EXOC6B: variants seen among roughly 807,000 people sequenced by gnomAD.
EXOC6B encodes exocyst complex component 6B.
In EXOC6B, 54 loss-of-function variants were observed where a neutral mutation model predicts 113.5. The observed-to-expected ratio is 0.48, with a 90% CI of 0.38 to 0.60. EXOC6B has a LOEUF of 0.60. Among genes scored for constraint, EXOC6B ranks in the 20% least tolerant of loss-of-function variants. The pLI is 0.00. For synonymous variants in EXOC6B, 357 were observed against 339.0 expected, an observed-to-expected ratio of 1.05 and a Z score of -0.58; for missense variants, 797 against 977.5, an observed-to-expected ratio of 0.82 and a Z score of 2.46.
intron 1 of EXOC6B, among the ~76,000 whole-genome samples, chr2:72,749,462 G>T (rs1199657036): frequency 2.0e-5 from 3 of 151,958 alleles, no homozygotes; most frequent in Non-Finnish European, 4.4e-5. Context: ...TAGCAGGGTG[G>T]TGCAAAAGTA....
At chr2:72,744,245 C>A (rs1681544738) in intron 1 of EXOC6B, among the ~76,000 whole-genome samples, 1 of 152,114 alleles carries the variant, frequency 6.6e-6, no homozygotes, top group Non-Finnish European at 1.5e-5. Flanking sequence ...TAGAACATAT[C>A]CTCTCTGCTA....
chr2:72,437,701 C>T (rs1206189619), intron 18 of EXOC6B, among the ~76,000 whole-genome samples: 1 of 152,128 alleles, frequency 6.6e-6, no homozygotes, highest in Non-Finnish European at 1.5e-5. Context: ...CTAGCTTTTT[C>T]AATAAATTTT....
At chr2:72,644,185 GA>G in intron 6 of EXOC6B, among the ~76,000 whole-genome samples, 1 of 152,176 alleles carries the variant, frequency 6.6e-6, no homozygotes. Flanking sequence ...TCAAGTGGAA[GA>G]AAGGGTATCA....
chr2:72,279,566 TA>T (rs555845447), intron 20 of EXOC6B, among the ~76,000 whole-genome samples: 94 of 152,308 alleles, frequency 6.2e-4, no homozygotes, highest in African/African-American at 2.1e-3. Context: ...ACCTTTCTCT[TA>T]TGGATCAACA....
chr2:72,404,339 T>C (rs1693571287), intron 18 of EXOC6B, among the ~76,000 whole-genome samples: 1 of 152,224 alleles, frequency 6.6e-6, no homozygotes, highest in East Asian at 1.9e-4. Context: ...AATGTCCCTG[T>C]CTGACCACTT....
At chr2:72,659,158 T>C (rs1674824067) in intron 6 of EXOC6B, among the ~76,000 whole-genome samples, 1 of 152,088 alleles carries the variant, frequency 6.6e-6, no homozygotes, top group Admixed American at 6.5e-5. Context: ...ATGAAAACAA[T>C]ACAGTCTTTT....
chr2:72,732,143 AT>A (rs1003996882), intron 3 of EXOC6B, among the ~76,000 whole-genome samples: 14 of 152,036 alleles, frequency 9.2e-5, no homozygotes, highest in African/African-American at 3.4e-4. Context: ...AGAATCAATG[AT>A]TTTTTTTATG....
intron 1 of EXOC6B, among the ~76,000 whole-genome samples, chr2:72,800,531 T>C (rs911812238): frequency 6.6e-6 from 1 of 152,182 alleles, no homozygotes; most frequent in African/African-American, 2.4e-5. Flanking sequence ...ATAATAACTA[T>C]TAATAACAGG....
chr2:72,230,349 T>C (rs1559039783), intron 20 of EXOC6B, among the ~76,000 whole-genome samples: 1 of 152,184 alleles, frequency 6.6e-6, no homozygotes, highest in Non-Finnish European at 1.5e-5. Context: ...AGGGAAGAAC[T>C]AGTAGAAAGA....
chr2:72,195,272 G>C (rs1377302244), intron 20 of EXOC6B, among the ~76,000 whole-genome samples: 1 of 152,110 alleles, frequency 6.6e-6, no homozygotes, highest in African/African-American at 2.4e-5. Flanking sequence ...CTGTCCTGTA[G>C]GGCCATTTCT....
At chr2:72,458,690 C>A (rs929197521) in intron 18 of EXOC6B, among the ~76,000 whole-genome samples, 3 of 151,938 alleles carry the variant, frequency 2.0e-5, no homozygotes, top group African/African-American at 7.3e-5. Context: ...GGGAAATAAA[C>A]CTCAATTAGT....
At chr2:72,393,446 C>G (rs149701318) in intron 18 of EXOC6B, among the ~76,000 whole-genome samples, 2 of 151,996 alleles carry the variant, frequency 1.3e-5, no homozygotes, top group East Asian at 3.9e-4. Context: ...TCTTTGGTAT[C>G]CTGCTTATCT....
intron 20 of EXOC6B, among the ~76,000 whole-genome samples, chr2:72,195,122 A>C (rs1679089467): frequency 6.6e-6 from 1 of 152,170 alleles, no homozygotes; most frequent in Non-Finnish European, 1.5e-5. Flanking sequence ...TTCTGTCTAA[A>C]ATTTTCACCT....
intron 20 of EXOC6B, among the ~76,000 whole-genome samples, chr2:72,204,597 GC>G (rs945861574): frequency 9.9e-5 from 15 of 151,132 alleles, no homozygotes; most frequent in Middle Eastern, 3.5e-3. Flanking sequence ...TCAGCCGTCT[GC>G]AAAAGGCTGC....
chr2:72,184,872 C>T (rs983665258), intron 20 of EXOC6B, among the ~76,000 whole-genome samples: 1 of 152,152 alleles, frequency 6.6e-6, no homozygotes, highest in African/African-American at 2.4e-5. Context: ...AGTAGATTAG[C>T]CCATGATTGA....
chr2:72,424,955 C>T (rs1178213379), intron 18 of EXOC6B, among the ~76,000 whole-genome samples: 1 of 152,082 alleles, frequency 6.6e-6, no homozygotes, highest in Admixed American at 6.6e-5. Flanking sequence ...GCCTAGGACC[C>T]ATTAGTTATT....
At chr2:72,509,320 G>A (rs1700772842) in intron 11 of EXOC6B, among the ~76,000 whole-genome samples, 1 of 152,086 alleles carries the variant, frequency 6.6e-6, no homozygotes, top group Admixed American at 6.5e-5. Flanking sequence ...AAACCACCCA[G>A]TCTATGATAT....
At chr2:72,447,653 G>A (rs1696667264) in intron 18 of EXOC6B, among the ~76,000 whole-genome samples, 1 of 152,126 alleles carries the variant, frequency 6.6e-6, no homozygotes, top group African/African-American at 2.4e-5. Flanking sequence ...TAATAATAAT[G>A]CAACCTAAAT....
At chr2:72,592,984 AG>A (rs1342119790) in intron 6 of EXOC6B, among the ~76,000 whole-genome samples, 5 of 152,322 alleles carry the variant, frequency 3.3e-5, no homozygotes, top group Admixed American at 2.0e-4. Context: ...AAAGAAGAAA[AG>A]AAGAGGTGGA....
Sources: gnomAD v4.1 joint callset for allele counts (sites outside exome capture counted in the v4.1 genomes callset) on GRCh38, gnomAD v4.1.1 for gene constraint, MANE v1.5 for transcripts, NCBI Gene and HGNC (gene_info 2026-07-23, HGNC 2026-07-21) for gene names.